Variants in PCDH11X observed in about 807,000 individuals in gnomAD.
The protein encoded by PCDH11X is protocadherin 11 X-linked.
PCDH11X carries 18 observed loss-of-function variants against 53.3 expected under a neutral mutation model. That is an observed-to-expected ratio of 0.34 (90% CI 0.23 to 0.50). PCDH11X has a LOEUF of 0.50. Among genes scored for constraint, PCDH11X ranks in the 20% least tolerant of loss-of-function variants. The pLI is 0.98. For synonymous variants in PCDH11X, 279 were observed against 393.3 expected (o/e 0.71, Z 3.44); for missense variants, 570 against 1,032.4 (o/e 0.55, Z 6.14).
chrX:91,800,532 A>G (rs1246518879), intron 1 of PCDH11X, among the ~76,000 whole-genome samples: 2 of 108,396 alleles, frequency 1.8e-5, no homozygotes, highest in Admixed American at 2.0e-4. Flanking sequence ...AAATTAACAC[A>G]GAAAACTATG....
At chrX:92,242,096 TC>T (rs777190384) in intron 7 of PCDH11X, among the ~76,000 whole-genome samples, 20 of 98,260 alleles carry the variant, frequency 2.0e-4, no homozygotes, top group Non-Finnish European at 2.3e-4. Context: ...AACCTCCATC[TC>T]AAAAAAAAAA....
At chrX:92,610,248 T>C (rs1368846332) in intron 10 of PCDH11X, among the ~76,000 whole-genome samples, 1 of 112,062 alleles carries the variant, frequency 8.9e-6, no homozygotes. Context: ...TCCCCAACTT[T>C]GTCAGCGTCT....
intron 5 of PCDH11X, among the ~76,000 whole-genome samples, chrX:91,857,254 G>T (rs1938395775): frequency 9.0e-6 from 1 of 110,721 alleles, no homozygotes; most frequent in African/African-American, 3.3e-5. Flanking sequence ...CACAAGAACA[G>T]CACAGGAAAG....
chrX:92,089,707 G>A (rs1257089228), intron 6 of PCDH11X, among the ~76,000 whole-genome samples: 1 of 104,318 alleles, frequency 9.6e-6, no homozygotes, highest in African/African-American at 3.5e-5. Context: ...ATTTTTAGTA[G>A]AGACAGGGTT....
In PCDH11X at chrX:92,403,319, G is replaced by GGGATATGTGTCCA. The variant is rs1569481398; in HGVS notation, c.3343+15388_3343+15389insATATGTGTCCAGG. On this transcript the variant is annotated intron_variant, in intron 9 of 10. Coordinates refer to ENST00000682573, the MANE Select transcript of PCDH11X (RefSeq NM_032968.5). ...TACGTGTGTACTGGGATATGTGTCC[G>GGGATATGTGTCCA]GGCATTTACGTTTTTTTTTGTTTTT... Among the ~76,000 whole-genome samples the GGGATATGTGTCCA allele has an allele frequency of 6.4e-4, 52 of 81,475 alleles. No homozygotes were observed. In the East Asian group the frequency reaches 0.056, roughly 88 times the overall value. The allele number at this position is 81,475 out of a possible 115,157, so 70.8% of individuals were successfully genotyped here.
At chrX:92,615,962 GC>G (rs1397251690) in intron 10 of PCDH11X, among the ~76,000 whole-genome samples, 1 of 41,881 alleles carries the variant, frequency 2.4e-5, no homozygotes, top group African/African-American at 9.5e-5. Context: ...CCCCGCTGGG[GC>G]CCCCTTCACA....
Position 92,592,456 on chromosome X carries a change from G to A in PCDH11X, c.3368-25808G>A, listed in dbSNP as rs751384743. The stretch of plus-strand genomic sequence containing the variant: ...TTTAGTAAAAAAGATTCAAGGCCAG[G>A]CGCACTGGCTCACGCCTGTAATCCC... On this transcript the variant is annotated intron_variant, in intron 10 of 10. Coordinates refer to ENST00000682573, the MANE Select transcript of PCDH11X (RefSeq NM_032968.5). Among the ~76,000 whole-genome samples the A allele has an allele frequency of 3.7e-3, 404 of 110,340 alleles. 2 individuals are homozygous for A. Among genetic ancestry groups the A allele is most frequent in the African/African-American group, 0.013 (385 of 30,275 alleles).
intron 10 of PCDH11X, among the ~76,000 whole-genome samples, chrX:92,590,885 G>A (rs142947094): frequency 4.2e-3 from 467 of 111,144 alleles, no homozygotes; most frequent in African/African-American, 0.015. Context: ...AATTGTTAGT[G>A]GAAGGTCAAC....
chrX:92,070,597 T>C (rs1319009254), intron 6 of PCDH11X, among the ~76,000 whole-genome samples: 1 of 111,393 alleles, frequency 9.0e-6, no homozygotes, highest in Non-Finnish European at 1.9e-5. Context: ...GGATCCTTTC[T>C]TTATCCTTAA....
chrX:91,955,551 G>A (rs2061696815), intron 6 of PCDH11X, among the ~76,000 whole-genome samples: 1 of 110,542 alleles, frequency 9.0e-6, no homozygotes, highest in Non-Finnish European at 1.9e-5. Flanking sequence ...GGAGCAGGCT[G>A]TTCAATTTCC....
chrX:92,154,714 C>T (rs1284343798), intron 6 of PCDH11X, among the ~76,000 whole-genome samples: 2 of 109,112 alleles, frequency 1.8e-5, no homozygotes, highest in Non-Finnish European at 3.8e-5. Context: ...GCTCGCCCGG[C>T]AGGCCATTGA....
At chrX:92,315,165 CTT>C (rs2069047346) in intron 8 of PCDH11X, among the ~76,000 whole-genome samples, 1 of 111,812 alleles carries the variant, frequency 8.9e-6, no homozygotes, top group Admixed American at 9.5e-5. Flanking sequence ...AATCTTTAAA[CTT>C]TTACAGATGC....
chrX:92,611,724 A>G (rs1927404384), intron 10 of PCDH11X, among the ~76,000 whole-genome samples: 1 of 103,172 alleles, frequency 9.7e-6, no homozygotes, highest in African/African-American at 3.6e-5. Flanking sequence ...GGTTTGTCAT[A>G]GATGACTCAT....
intron 6 of PCDH11X, among the ~76,000 whole-genome samples, chrX:92,089,517 A>T (rs1302419511): frequency 5.4e-5 from 6 of 111,301 alleles, no homozygotes; most frequent in Non-Finnish European, 7.5e-5. Flanking sequence ...TAAGTAAATT[A>T]TTTTTTATTT....
intron 8 of PCDH11X, among the ~76,000 whole-genome samples, chrX:92,273,340 T>C (rs964085537): frequency 9.0e-6 from 1 of 110,766 alleles, no homozygotes; most frequent in South Asian, 3.8e-4. Flanking sequence ...ATTCACAGGG[T>C]TAATCACTCA....
chrX:92,219,135 AC>A (rs2066800384), intron 7 of PCDH11X, among the ~76,000 whole-genome samples: 1 of 111,137 alleles, frequency 9.0e-6, no homozygotes, highest in South Asian at 3.8e-4. Flanking sequence ...GAAAACTGGC[AC>A]AAGACAGGGA....
At chrX:92,057,848 A>G (rs2063471769) in intron 6 of PCDH11X, among the ~76,000 whole-genome samples, 1 of 104,838 alleles carries the variant, frequency 9.5e-6, no homozygotes, top group Admixed American at 1.1e-4. Flanking sequence ...TATGTTGTGG[A>G]TTCAATTCTG....
chrX:92,013,197 A>T (rs903041867), intron 6 of PCDH11X, among the ~76,000 whole-genome samples: 5 of 111,912 alleles, frequency 4.5e-5, no homozygotes, highest in African/African-American at 1.6e-4. Context: ...CGGGATACAA[A>T]ATCAATGTGC....
At chrX:92,214,783 T>A (rs1164895412) in intron 7 of PCDH11X, among the ~76,000 whole-genome samples, 2 of 111,529 alleles carry the variant, frequency 1.8e-5, no homozygotes, top group African/African-American at 6.5e-5. Context: ...GCGTGGTGAA[T>A]CACACCTGTA....
Sources: gnomAD v4.1 joint callset for allele counts (sites outside exome capture counted in the v4.1 genomes callset) on GRCh38, gnomAD v4.1.1 for gene constraint, MANE v1.5 for transcripts, NCBI Gene and HGNC (gene_info 2026-07-23, HGNC 2026-07-21) for gene names.